Variants in NEK10 observed in about 807,000 individuals in gnomAD.
NEK10 encodes the protein NIMA related kinase 10, also known as serine/threonine-protein kinase Nek10.
A neutral mutation model predicts 159.8 loss-of-function variants in NEK10; 122 were observed. That is an observed-to-expected ratio of 0.76 (90% CI 0.66 to 0.89). The LOEUF (loss-of-function observed/expected upper bound fraction) is 0.89. Among genes scored for constraint, NEK10 ranks in the 40% least tolerant of loss-of-function variants. The pLI, the probability that NEK10 is intolerant of heterozygous loss-of-function variation, is 0.00. For missense variants in NEK10, 1,342 were observed against 1,323.1 expected, an observed-to-expected ratio of 1.01 and a Z score of -0.22; for synonymous variants, 466 against 457.1, an observed-to-expected ratio of 1.02 and a Z score of -0.25.
intron 28 of NEK10, among the ~76,000 whole-genome samples, chr3:27,173,820 C>G (rs904462670): frequency 3.3e-5 from 5 of 151,736 alleles, no homozygotes; most frequent in Admixed American, 2.6e-4. Flanking sequence ...AGGTTTGTTC[C>G]ATGTATTTTA....
At chr3:27,151,521 G>A (rs1353697392) in intron 30 of NEK10, among the ~76,000 whole-genome samples, 4 of 152,272 alleles carry the variant, frequency 2.6e-5, no homozygotes, top group South Asian at 4.1e-4. Flanking sequence ...TTTAGCCCTA[G>A]ATATTCCCTC....
intron 22 of NEK10, among the ~76,000 whole-genome samples, chr3:27,258,177 A>G (rs1956413503): frequency 6.6e-6 from 1 of 152,176 alleles, no homozygotes. Flanking sequence ...GTATGAAAGT[A>G]AAATTTAAAT....
intron 1 of NEK10, chr3:27,363,576 ACC>A (rs1242241750): frequency 6.6e-6 from 1 of 152,228 alleles, no homozygotes; most frequent in African/African-American, 2.4e-5. Context: ...GCCCCAGCTG[ACC>A]AGTATCCAGT....
At chr3:27,186,515 A>T (rs976585590) in intron 26 of NEK10, among the ~76,000 whole-genome samples, 2 of 152,182 alleles carry the variant, frequency 1.3e-5, no homozygotes, top group African/African-American at 4.8e-5. Context: ...ACTCCAGCAG[A>T]TGCGAACCTT....
chr3:27,329,161 C>T (rs1469471998), intron 5 of NEK10, among the ~76,000 whole-genome samples: 1 of 152,178 alleles, frequency 6.6e-6, no homozygotes, highest in East Asian at 1.9e-4. Context: ...TTTCCCTGCA[C>T]AAGCTCTTTT....
intron 23 of NEK10, among the ~76,000 whole-genome samples, chr3:27,209,499 C>T (rs1950818467): frequency 1.3e-5 from 2 of 152,148 alleles, no homozygotes; most frequent in African/African-American, 4.8e-5. Context: ...CCAATGAAAT[C>T]AATGATTTAA....
At chr3:27,281,536 A>G (rs1008121382) in intron 22 of NEK10, among the ~76,000 whole-genome samples, 4 of 152,040 alleles carry the variant, frequency 2.6e-5, no homozygotes, top group African/African-American at 9.7e-5. Flanking sequence ...GAGAATAAGA[A>G]CTTTCATCTG....
intron 6 of NEK10, among the ~76,000 whole-genome samples, chr3:27,319,803 T>C (rs2149646500): frequency 6.6e-6 from 1 of 152,316 alleles, no homozygotes; most frequent in East Asian, 1.9e-4. Context: ...CCCACTGGGA[T>C]GGCCTTGGGC....
intron 32 of NEK10, among the ~76,000 whole-genome samples, chr3:27,120,328 T>C (rs941189672): frequency 2.1e-5 from 3 of 140,380 alleles, no homozygotes; most frequent in Admixed American, 7.0e-5. Flanking sequence ...TTCTTTTTTC[T>C]TTTTTTTTTT....
chr3:27,203,912 G>A (rs966628381), intron 23 of NEK10, among the ~76,000 whole-genome samples: 3 of 152,110 alleles, frequency 2.0e-5, no homozygotes, highest in African/African-American at 7.2e-5. Context: ...GGAAATGGGG[G>A]AATTGGGGCT....
At chr3:27,235,957 T>C (rs1005452265) in intron 23 of NEK10, among the ~76,000 whole-genome samples, 7 of 152,166 alleles carry the variant, frequency 4.6e-5, no homozygotes, top group Admixed American at 3.3e-4. Flanking sequence ...CACCATGGAA[T>C]ACTATGCAAC....
intron 23 of NEK10, among the ~76,000 whole-genome samples, chr3:27,214,073 T>C (rs1237009201): frequency 2.0e-5 from 3 of 152,242 alleles, no homozygotes; most frequent in Non-Finnish European, 4.4e-5. Flanking sequence ...CAGACACTTG[T>C]TTCCACTGAT....
intron 22 of NEK10, among the ~76,000 whole-genome samples, chr3:27,262,940 A>G (rs1382883882): frequency 6.6e-6 from 1 of 151,726 alleles, no homozygotes; most frequent in African/African-American, 2.4e-5. Context: ...TTCCTGCCCC[A>G]TCTTTGTGGT....
At chr3:27,128,216 A>T (rs1575418554) in intron 32 of NEK10, among the ~76,000 whole-genome samples, 1 of 152,222 alleles carries the variant, frequency 6.6e-6, no homozygotes, top group Non-Finnish European at 1.5e-5. Flanking sequence ...TTTATTTACA[A>T]ACACAGGCAT....
At position 27,297,160 on chromosome 3, in the gene NEK10, T is replaced by G; in HGVS notation, c.1230+19A>C. 3 of 1,580,814 alleles carry G rather than the reference T, an allele frequency of 1.9e-6. No individual in the cohort carries two copies. The highest frequency in any genetic ancestry group is 2.6e-6 in the Non-Finnish European group (3 of 1,149,864). ...ATGAATGGTTATGGAGACCTGACCT[T>G]GAGAAGGAGTGCTCTCACCTGAACC... On this transcript the variant is annotated intron_variant, in intron 14 of 35. Transcript: ENST00000691995.
intron 3 of NEK10, among the ~76,000 whole-genome samples, chr3:27,347,522 A>C (rs1052889630): frequency 1.3e-5 from 2 of 151,572 alleles, no homozygotes; most frequent in Non-Finnish European, 2.9e-5. Flanking sequence ...AAAAAAAAAA[A>C]AAAAAAAGAC....
chr3:27,201,987 A>AC (rs1491212480), intron 24 of NEK10, among the ~76,000 whole-genome samples: 8 of 91,860 alleles, frequency 8.7e-5, no homozygotes, highest in Admixed American at 6.2e-4. Flanking sequence ...GGTGAAACCT[A>AC]AAAAAAAAAA....
Position 27,107,571 on chromosome 3 carries a change from A to G in NEK10, c.*3701T>C, listed in dbSNP as rs1246838565. On this transcript the variant is annotated 3_prime_UTR_variant, in exon 36 of 36. Transcript: ENST00000691995. ...ATGTAAGTATATATGAAATTCATTT[A>G]TTACATTTAGTTGTTGAACATGAAG... Among the ~76,000 whole-genome samples the G allele has an allele frequency of 6.6e-6, 1 of 152,232 alleles. No homozygotes were observed. Among genetic ancestry groups the G allele is most frequent in the Non-Finnish European group, 1.5e-5 (1 of 68,034 alleles).
intron 23 of NEK10, among the ~76,000 whole-genome samples, chr3:27,207,297 G>C (rs1273713201): frequency 6.6e-6 from 1 of 152,114 alleles, no homozygotes. Flanking sequence ...CTAATGAGCT[G>C]AAAGAAATAC....
Sources: allele counts gnomAD v4.1 joint callset (sites outside exome capture counted in the v4.1 genomes callset), GRCh38; gene constraint gnomAD v4.1.1; transcripts MANE v1.5; gene names NCBI Gene and HGNC (gene_info 2026-07-23, HGNC 2026-07-21).